Variants in CLDN2 observed in about 807,000 individuals in gnomAD.
CLDN2 encodes the protein claudin 2.
Under a neutral mutation model 8.2 loss-of-function variants are expected in CLDN2, and 1 was observed. The observed-to-expected ratio is 0.12, with a 90% CI of 0.04 to 0.58. The LOEUF is 0.58. Among genes scored for constraint, CLDN2 ranks in the 20% least tolerant of loss-of-function variants. CLDN2 has a pLI of 0.90. For missense variants in CLDN2, 108 were observed against 172.9 expected, an observed-to-expected ratio of 0.62 and a Z score of 2.11; for synonymous variants, 70 against 70.2, an observed-to-expected ratio of 1.00 and a Z score of 0.01.
chrX:106,928,813 C>T lies in CLDN2; in HGVS notation c.585C>T (p.Tyr195=), dbSNP rs776235840. The change falls in exon 2 of 2, where the codon TAC becomes TAT. Residue 195 remains tyrosine (Y), a synonymous_variant. Transcript: ENST00000336803. ...CSSQRNRSNY[Y]DAYQAQPLAT... ...CCCAGAGAAATCGCTCCAACTACTACGATGCCTACCAAGCCCAACCTCTTG... is the reference window on the plus strand; with the variant it reads ...CCCAGAGAAATCGCTCCAACTACTATGATGCCTACCAAGCCCAACCTCTTG... 12 of 1,209,416 alleles carry T rather than the reference C, an allele frequency of 9.9e-6. No individual in the cohort carries two copies. Among genetic ancestry groups the T allele is most frequent in the South Asian group, 3.5e-5 (2 of 56,747 alleles).
upstream of CLDN2, among the ~76,000 whole-genome samples, chrX:106,913,511 A>G (rs1461268680): frequency 8.9e-6 from 1 of 112,634 alleles, no homozygotes; most frequent in Non-Finnish European, 1.9e-5. Context: ...AGGTGTAGTT[A>G]TCAAGAAGAA....
intron 1 of CLDN2, chrX:106,900,613 C>A (rs1933075419): frequency 2.9e-6 from 3 of 1,032,248 alleles, no homozygotes; most frequent in Non-Finnish European, 3.8e-6. Flanking sequence ...ACTTGCCAGA[C>A]AAACTGAACC....
rs138630052 is a variant in CLDN2, at chrX:106,901,041, G to T, written c.-179+537G>T. On this transcript the variant is annotated intron_variant, in intron 1 of 1. Coordinates refer to the CLDN2 transcript ENST00000541806. ...ATGAGGTCAGAGGGAAAGGAAGAAAGAAAGTTTTGTAACAGAACCTTCTGC... is the reference window on the plus strand; with the variant it reads ...ATGAGGTCAGAGGGAAAGGAAGAAATAAAGTTTTGTAACAGAACCTTCTGC... 3.0e-3 allele frequency: 3,055 copies of T among 1,030,227 alleles called. 59 individuals carry two copies. The African/African-American group carries it at 0.053, about 18-fold the overall frequency. The allele number at this position is 1,030,227 out of a possible 1,213,427, so 84.9% of individuals were successfully genotyped here.
At chrX:106,925,598 T>C (rs1231253173) in intron 1 of CLDN2, among the ~76,000 whole-genome samples, 1 of 112,417 alleles carries the variant, frequency 8.9e-6, no homozygotes, top group Non-Finnish European at 1.9e-5. Flanking sequence ...TGGAATGCTT[T>C]ATGTAGAGTA....
chrX:106,909,481 C>T (rs1171295252), intron 1 of CLDN2, among the ~76,000 whole-genome samples: 2 of 111,617 alleles, frequency 1.8e-5, no homozygotes, highest in African/African-American at 6.5e-5. Context: ...ACAAGTTCTG[C>T]GCTCCTCTCC....
intron 1 of CLDN2, chrX:106,903,325 C>T: frequency 2.6e-6 from 3 of 1,156,484 alleles, no homozygotes; most frequent in Non-Finnish European, 3.5e-6. Context: ...TCCTACTTCC[C>T]AGAACCTTCT....
chrX:106,902,933 G>T (rs769110093), intron 1 of CLDN2, among the ~76,000 whole-genome samples: 1 of 112,384 alleles, frequency 8.9e-6, no homozygotes, highest in Non-Finnish European at 1.9e-5. Flanking sequence ...CTGTCCCCAA[G>T]TCCCCTCTTG....
chrX:106,928,375 C>G lies in CLDN2; in HGVS notation c.147C>G (p.Gly49=). 2 of 1,212,039 alleles carry G rather than the reference C, an allele frequency of 1.7e-6. No individual in the cohort carries two copies. Among genetic ancestry groups the G allele is most frequent in the Non-Finnish European group, 2.2e-6 (2 of 895,506 alleles). The change falls in exon 2 of 2, where the codon GGC becomes GGG. Residue 49 remains glycine, a synonymous_variant. Coordinates refer to ENST00000336803, the MANE Select transcript of CLDN2 (RefSeq NM_020384.4). ...TGACAGCAGTTGGCTTCTCCAAGGG[C>G]CTCTGGATGGAATGTGCCACACACA... The part of the protein sequence containing the change: ...SIVTAVGFSK[G]LWMECATHST...
chrX:106,923,669 CA>C (rs1382162213), intron 1 of CLDN2, among the ~76,000 whole-genome samples: 1 of 111,288 alleles, frequency 9.0e-6, no homozygotes, highest in African/African-American at 3.3e-5. Context: ...GCATGGGGAG[CA>C]AAAAGGGCAG....
At chrX:106,907,018 C>G (rs974320545) in intron 1 of CLDN2, among the ~76,000 whole-genome samples, 2 of 111,757 alleles carry the variant, frequency 1.8e-5, no homozygotes, top group African/African-American at 3.3e-5. Context: ...TTTCCTGGCT[C>G]CCATTCACAC....
intron 1 of CLDN2, among the ~76,000 whole-genome samples, chrX:106,924,425 C>T (rs183757635): frequency 9.0e-6 from 1 of 110,973 alleles, no homozygotes; most frequent in Non-Finnish European, 1.9e-5. Flanking sequence ...AGGACAGGTA[C>T]AATTGTGCCA....
chrX:106,905,291 G>A (rs1017348045), intron 1 of CLDN2, among the ~76,000 whole-genome samples: 9 of 111,450 alleles, frequency 8.1e-5, no homozygotes, highest in Non-Finnish European at 1.7e-4. Context: ...GCACGGTCCC[G>A]GCCCTCAATA....
intron 1 of CLDN2, chrX:106,903,358 GA>G: frequency 1.9e-6 from 2 of 1,059,703 alleles, no homozygotes; most frequent in Non-Finnish European, 2.5e-6. Context: ...CTTTTCCTGG[GA>G]GACCCTTTTA....
At chrX:106,924,581 A>C (rs931642975) in intron 1 of CLDN2, among the ~76,000 whole-genome samples, 1 of 110,640 alleles carries the variant, frequency 9.0e-6, no homozygotes, top group Admixed American at 9.7e-5. Context: ...TGGTGTTTCC[A>C]ATGCTGATGA....
intron 1 of CLDN2, among the ~76,000 whole-genome samples, chrX:106,907,439 G>A (rs538534333): frequency 7.2e-5 from 8 of 111,847 alleles, no homozygotes; most frequent in African/African-American, 2.6e-4. Context: ...TGTGGCTCAC[G>A]CCTGTAATCC....
chrX:106,923,320 C>T (rs1933420111), intron 1 of CLDN2, among the ~76,000 whole-genome samples: 1 of 112,387 alleles, frequency 8.9e-6, no homozygotes, highest in African/African-American at 3.2e-5. Flanking sequence ...GTGAAAGTCA[C>T]AATTTGATTT....
At chrX:106,903,190 C>A (rs1602452679) in intron 1 of CLDN2, 1 of 1,210,416 alleles carries the variant, frequency 8.3e-7, no homozygotes, top group Non-Finnish European at 1.1e-6. Flanking sequence ...GCTTAACAGG[C>A]CAGGGAGTGC....
At chrX:106,922,214 G>C (rs1199250863) in intron 1 of CLDN2, among the ~76,000 whole-genome samples, 1 of 112,346 alleles carries the variant, frequency 8.9e-6, no homozygotes, top group Non-Finnish European at 1.9e-5. Flanking sequence ...TCGCCATTTA[G>C]CTGGTCTTCC....
In CLDN2 at chrX:106,928,177, G is replaced by GCCTGAAGACAAGGGAGCAGTC; in HGVS notation, c.-42_-22dup. 2 of 970,365 alleles carry GCCTGAAGACAAGGGAGCAGTC rather than the reference G, an allele frequency of 2.1e-6. No homozygotes were observed. Among genetic ancestry groups the GCCTGAAGACAAGGGAGCAGTC allele is most frequent in the Non-Finnish European group, 2.9e-6 (2 of 692,779 alleles). The allele number at this position is 970,365 out of a possible 1,213,427, so 80.0% of individuals were successfully genotyped here. Reference sequence around the variant, plus strand: ...AGGTGTTCAAGGAGCAAGAGCTTCAGCCTGAAGACAAGGGAGCAGTCCCTG... The same window carrying GCCTGAAGACAAGGGAGCAGTC: ...AGGTGTTCAAGGAGCAAGAGCTTCAGCCTGAAGACAAGGGAGCAGTCCCTGAAGACAAGGGAGCAGTCCCTG... On this transcript the variant is annotated 5_prime_UTR_variant, in exon 2 of 2. Coordinates refer to ENST00000336803, the MANE Select transcript of CLDN2 (RefSeq NM_020384.4).
Sources: allele counts gnomAD v4.1 joint callset (sites outside exome capture counted in the v4.1 genomes callset), GRCh38; gene constraint gnomAD v4.1.1; transcripts MANE v1.5; gene names NCBI Gene and HGNC (gene_info 2026-07-23, HGNC 2026-07-21).